Variants in BBS9 observed in about 807,000 individuals in gnomAD.
The protein encoded by BBS9 is protein PTHB1.
BBS9 carries 89 observed loss-of-function variants against 117.7 expected under a neutral mutation model. The observed-to-expected ratio is 0.76, with a 90% CI of 0.64 to 0.90. The LOEUF (loss-of-function observed/expected upper bound fraction) is 0.90, where lower values mean the gene tolerates loss of function less well. Among genes scored for constraint, BBS9 ranks in the 40% least tolerant of loss-of-function variants. The pLI is 0.00. For synonymous variants in BBS9, 379 were observed against 370.9 expected (o/e 1.02, Z -0.25); for missense variants, 982 against 1,042.2 (o/e 0.94, Z 0.80).
chr7:33,547,858 C>T (rs1190785731), intron 21 of BBS9, among the ~76,000 whole-genome samples: 1 of 152,098 alleles, frequency 6.6e-6, no homozygotes, highest in Non-Finnish European at 1.5e-5. Flanking sequence ...ATAGTATGCT[C>T]ATTCTTATCC....
chr7:33,288,169 G>C (rs965146624), intron 9 of BBS9, among the ~76,000 whole-genome samples: 1 of 152,178 alleles, frequency 6.6e-6, no homozygotes, highest in African/African-American at 2.4e-5. Context: ...ATGCCGTTAT[G>C]CAACCCAGCC....
At position 33,323,797 on chromosome 7, in the gene BBS9, G is replaced by C. The variant is rs145108486; in HGVS notation, c.1017-12644G>C. Among the ~76,000 whole-genome samples, 193 of 148,080 alleles carry C rather than the reference G, an allele frequency of 1.3e-3. 1 individual carries two copies. The highest frequency in any genetic ancestry group is 4.6e-3 in the African/African-American group (186 of 40,232). ...CCTGCCATTTTGTTCTGTGGTTTCT[G>C]GTCTTCTCTTCCTTCTTTTCTTCAT... On this transcript the variant is annotated intron_variant, in intron 9 of 22. Coordinates refer to ENST00000242067, the MANE Select transcript of BBS9 (RefSeq NM_198428.3).
chr7:33,360,756 C>T (rs1318384840), intron 16 of BBS9, among the ~76,000 whole-genome samples: 1 of 152,028 alleles, frequency 6.6e-6, no homozygotes, highest in Non-Finnish European at 1.5e-5. Context: ...AACTCCTAGG[C>T]TCAAGTGGTC....
chr7:33,373,447 G>A (rs551445127), intron 17 of BBS9, among the ~76,000 whole-genome samples: 15 of 152,204 alleles, frequency 9.9e-5, no homozygotes, highest in South Asian at 8.3e-4. Flanking sequence ...GCAAATACAG[G>A]TCAAGCATCC....
At chr7:33,581,463 CT>C (rs1343507433) in intron 21 of BBS9, among the ~76,000 whole-genome samples, 1 of 152,094 alleles carries the variant, frequency 6.6e-6, no homozygotes, top group Non-Finnish European at 1.5e-5. Flanking sequence ...TGTATCTCTG[CT>C]TGACAAATAG....
chr7:33,143,488 C>A (rs554523070), intron 1 of BBS9, among the ~76,000 whole-genome samples: 2 of 151,752 alleles, frequency 1.3e-5, no homozygotes, highest in Admixed American at 6.6e-5. Context: ...ATATGCAAAT[C>A]AAAAATTTTG....
chr7:33,162,576 T>G (rs990106732), intron 4 of BBS9, among the ~76,000 whole-genome samples: 1 of 152,128 alleles, frequency 6.6e-6, no homozygotes, highest in Non-Finnish European at 1.5e-5. Flanking sequence ...CTTAGGTATT[T>G]TATTCTCTTT....
Position 33,146,318 on chromosome 7 carries a change from A to C in BBS9, c.66A>C (p.Gln22His). ...TILGDKEEFD[Q>H]GCLCLANVDN... ...TGGGAGATAAAGAAGAATTTGATCA[A>C]GGCTGTTTGTGTCTGGCTAATGTTG... Residue 22 changes from glutamine to histidine, a missense_variant, in exon 2 of 23, where the codon CAA becomes CAC. Transcript: ENST00000242067. 6.2e-7 allele frequency: 1 copy of C among 1,614,150 alleles called. No individual in the cohort carries two copies. The highest frequency in any genetic ancestry group is 8.5e-7 in the Non-Finnish European group (1 of 1,180,004).
intron 21 of BBS9, among the ~76,000 whole-genome samples, chr7:33,581,577 G>A (rs1038110993): frequency 1.3e-5 from 2 of 152,112 alleles, no homozygotes; most frequent in Non-Finnish European, 2.9e-5. Context: ...AACAAACGGA[G>A]CCCAGCTGAT....
chr7:33,164,125 A>T (rs1351426624), intron 4 of BBS9, among the ~76,000 whole-genome samples: 1 of 152,144 alleles, frequency 6.6e-6, no homozygotes, highest in Non-Finnish European at 1.5e-5. Flanking sequence ...TTCAGTTTCC[A>T]TGTAGTTGTG....
intron 3 of BBS9, among the ~76,000 whole-genome samples, 167 bp downstream of exon 3, chr7:33,153,018 A>T (rs1793588288): frequency 6.6e-6 from 1 of 152,230 alleles, no homozygotes; most frequent in Admixed American, 6.5e-5. Flanking sequence ...TGGAAACTGT[A>T]CATTTAAGAT....
chr7:33,355,948 T>C (rs1337377210), intron 15 of BBS9, among the ~76,000 whole-genome samples: 1 of 151,898 alleles, frequency 6.6e-6, no homozygotes, highest in Admixed American at 6.6e-5. Flanking sequence ...GCTACAGTTT[T>C]AGCAGTATAG....
Position 33,273,820 on chromosome 7 carries a change from C to T in BBS9, c.887-7C>T, listed in dbSNP as rs376333670. On this transcript the variant is annotated splice_polypyrimidine_tract_variant and splice_region_variant and intron_variant, in intron 8 of 22. Transcript: ENST00000242067. ...TAGTGTCTCTTTTCTGTATTTTCAA[C>T]TTACAGTTTCTGAAGGAACAATAAA... 98 of 1,606,066 alleles carry T rather than the reference C, an allele frequency of 6.1e-5. No homozygotes were observed. In the African/African-American group the frequency reaches 1.1e-3, roughly 19 times the overall value.
At chr7:33,329,130 C>T (rs1813454708) in intron 9 of BBS9, among the ~76,000 whole-genome samples, 1 of 152,062 alleles carries the variant, frequency 6.6e-6, no homozygotes. Context: ...AAGTGATTGT[C>T]CTGCCTCAGC....
intron 7 of BBS9, among the ~76,000 whole-genome samples, chr7:33,269,657 C>T (rs887498749): frequency 1.3e-5 from 2 of 151,142 alleles, no homozygotes; most frequent in African/African-American, 4.9e-5. Context: ...AACATGATGG[C>T]AACCATTGCA....
chr7:33,484,468 T>C (rs1449700347), intron 19 of BBS9, among the ~76,000 whole-genome samples: 1 of 152,226 alleles, frequency 6.6e-6, no homozygotes, highest in Admixed American at 6.5e-5. Flanking sequence ...TTTGTTTTTG[T>C]GTTTGCTTTT....
At chr7:33,528,808 C>T (rs1850095785) in intron 20 of BBS9, among the ~76,000 whole-genome samples, 1 of 152,200 alleles carries the variant, frequency 6.6e-6, no homozygotes, top group Admixed American at 6.5e-5. Context: ...CAGCTATCAT[C>T]AACTCAACTG....
At chr7:33,158,784 T>G (rs1794431296) in intron 4 of BBS9, among the ~76,000 whole-genome samples, 1 of 152,096 alleles carries the variant, frequency 6.6e-6, no homozygotes, top group Admixed American at 6.6e-5. Flanking sequence ...AAGAAAAACC[T>G]TAGTCAAATG....
intron 5 of BBS9, among the ~76,000 whole-genome samples, chr7:33,247,822 A>G (rs1250345753): frequency 6.6e-6 from 1 of 152,162 alleles, no homozygotes; most frequent in Non-Finnish European, 1.5e-5. Context: ...AATTCACCCA[A>G]TATTTTGTGG....
Sources: allele counts gnomAD v4.1 joint callset (sites outside exome capture counted in the v4.1 genomes callset), GRCh38; gene constraint gnomAD v4.1.1; transcripts MANE v1.5; gene names NCBI Gene and HGNC (gene_info 2026-07-23, HGNC 2026-07-21).